The following FSD1L variants were observed in gnomAD, a reference collection of about 807,000 sequenced individuals.
FSD1L encodes the protein fibronectin type III and SPRY domain containing 1 like, also known as FSD1-like protein.
Under a neutral mutation model 71.6 loss-of-function variants are expected in FSD1L, and 45 were observed. That is an observed-to-expected ratio of 0.63 (90% CI 0.49 to 0.81). The LOEUF (loss-of-function observed/expected upper bound fraction) is 0.81, where lower values mean the gene tolerates loss of function less well. Ranked by LOEUF, FSD1L falls within the 30% of genes least tolerant of loss-of-function variation. The probability of loss-of-function intolerance (pLI) is 0.00; values close to 1 mark genes in which losing one functional copy is unlikely to be tolerated. For missense variants in FSD1L, 561 were observed against 618.1 expected, an observed-to-expected ratio of 0.91 and a Z score of 0.98; for synonymous variants, 197 against 207.2, an observed-to-expected ratio of 0.95 and a Z score of 0.42.
chr9:105,525,500 A>G (rs1835452283), intron 10 of FSD1L: 3 of 1,610,156 alleles, frequency 1.9e-6, no homozygotes, highest in African/African-American at 1.3e-5. Flanking sequence ...GTGGAACAAG[A>G]TGAACCAATA....
At chr9:105,480,294 CTT>C (rs202199417) in intron 6 of FSD1L, among the ~76,000 whole-genome samples, 22 of 140,062 alleles carry the variant, frequency 1.6e-4, no homozygotes, top group Admixed American at 1.4e-4. Flanking sequence ...CTGGGTTTCT[CTT>C]TTTTTTTTTT....
intron 13 of FSD1L, among the ~76,000 whole-genome samples, chr9:105,542,528 A>C (rs1002062168): frequency 6.6e-6 from 1 of 152,192 alleles, no homozygotes; most frequent in Non-Finnish European, 1.5e-5. Context: ...ATCACAGCTC[A>C]CTGCAGTCAC....
chr9:105,457,250 T>C (rs151007534), intron 1 of FSD1L, among the ~76,000 whole-genome samples: 3 of 152,328 alleles, frequency 2.0e-5, no homozygotes, highest in African/African-American at 7.2e-5. Flanking sequence ...GATAAATTCA[T>C]AGCAGGCTAT....
rs370718247 is a variant in FSD1L at position 105,464,448 on chromosome 9, A to C, written c.207+117A>C. On this transcript the variant is annotated intron_variant, in intron 3 of 13. Transcript: ENST00000481272. ...CTAATGGAGGTGAGAGCAGAGCTTTAAAATAGCAGATAAAGTAAAAATGTT... is the reference window on the plus strand; with the variant it reads ...CTAATGGAGGTGAGAGCAGAGCTTTCAAATAGCAGATAAAGTAAAAATGTT... 6.0e-6 allele frequency: 3 copies of C among 496,318 alleles called. No homozygotes were observed. The African/African-American group carries it at 6.1e-5, about 10-fold the overall frequency. 30.7% of individuals were successfully genotyped at this position (496,318 alleles called of 1,614,324 possible).
chr9:105,456,347 T>A (rs527722520), intron 1 of FSD1L, among the ~76,000 whole-genome samples: 1 of 152,344 alleles, frequency 6.6e-6, no homozygotes, highest in African/African-American at 2.4e-5. Context: ...AGGATAATAA[T>A]AGTAACTTAC....
intron 5 of FSD1L, chr9:105,472,244 C>T (rs1405697898): frequency 4.8e-6 from 2 of 414,372 alleles, no homozygotes; most frequent in Non-Finnish European, 8.4e-6. Context: ...TGTCTATGAG[C>T]TGCTTGGGAA....
At chr9:105,545,119 G>T (rs1257029522) in intron 13 of FSD1L, among the ~76,000 whole-genome samples, 1 of 151,944 alleles carries the variant, frequency 6.6e-6, no homozygotes, top group African/African-American at 2.4e-5. Context: ...GTGGTTTGTA[G>T]TTCTCCTTGA....
rs113449001 is a variant in FSD1L, at chr9:105,521,148, A to G, written c.1025+8212A>G. ...AATCTATTGTACAAAGGAGCCTTTC[A>G]TTAAGGCTCGTGTTATTGTCATTCG... On this transcript the variant is annotated intron_variant, in intron 10 of 13. Coordinates refer to ENST00000481272, the MANE Select transcript of FSD1L (RefSeq NM_001145313.3). 2,529 of 1,613,830 alleles carry G rather than the reference A, an allele frequency of 1.6e-3. 41 individuals carry two copies. In the African/African-American group the frequency reaches 0.03, roughly 19 times the overall value.
At chr9:105,460,441 A>C (rs943047428) in intron 1 of FSD1L, among the ~76,000 whole-genome samples, 6 of 151,902 alleles carry the variant, frequency 3.9e-5, no homozygotes, top group African/African-American at 1.2e-4. Context: ...AAATACAAAA[A>C]ATTAGCCAGG....
chr9:105,443,295 G>T (rs1588887393), upstream of FSD1L, among the ~76,000 whole-genome samples: 1 of 152,164 alleles, frequency 6.6e-6, no homozygotes, highest in East Asian at 1.9e-4. Context: ...GAAGGCGAAA[G>T]GCACATCCTA....
In FSD1L at chr9:105,508,964, T is replaced by C. The variant is rs182038732; in HGVS notation, c.895+249T>C. On this transcript the variant is annotated intron_variant, in intron 9 of 13. Transcript: ENST00000481272. ...TGATGGTATTGTATTCTCTGGGAGA[T>C]GCTTAATTTATAAATTTCAATCTTG... 5.9e-5 allele frequency among the ~76,000 whole-genome samples: 9 copies of C among 152,352 alleles called. No homozygotes were observed. The East Asian group carries it at 1.7e-3, about 29-fold the overall frequency.
At chr9:105,505,176 C>T (rs1176562409) in intron 7 of FSD1L, among the ~76,000 whole-genome samples, 5 of 152,114 alleles carry the variant, frequency 3.3e-5, no homozygotes, top group African/African-American at 4.8e-5. Context: ...CTTTCTGTTC[C>T]GCTTATTCAT....
intron 13 of FSD1L, among the ~76,000 whole-genome samples, chr9:105,540,046 C>T (rs151040880): frequency 0.016 from 2,397 of 152,056 alleles, 88 homozygotes; most frequent in African/African-American, 0.055. Context: ...TATGTATAAT[C>T]AACTGTAAAA....
rs763707728 is a variant in FSD1L at position 105,506,442 on chromosome 9, A to G, written c.630A>G (p.Ala210=). ...PEIDPVECLV[A]DNSVTVAWRM... ...TAGATCCAGTAGAGTGTTTGGTGGC[A>G]GATAACTCTGTAACAGTGGCTTGGA... The change falls in exon 8 of 14, where the codon GCA becomes GCG. Residue 210 remains alanine (A), a synonymous_variant. Coordinates refer to ENST00000481272, the MANE Select transcript of FSD1L (RefSeq NM_001145313.3). The G allele has an allele frequency of 1.3e-6, 2 of 1,551,842 alleles. No homozygotes were observed. Among genetic ancestry groups the G allele is most frequent in the South Asian group, 2.4e-5 (2 of 84,034 alleles).
In FSD1L at chr9:105,452,841, C is replaced by A. The variant is rs1216706545; in HGVS notation, c.15+4606C>A. 3.9e-5 allele frequency among the ~76,000 whole-genome samples: 6 copies of A among 152,072 alleles called. No individual in the cohort carries two copies. In the East Asian group the frequency reaches 9.7e-4, roughly 25 times the overall value. On this transcript the variant is annotated intron_variant, in intron 1 of 13. Coordinates refer to ENST00000481272, the MANE Select transcript of FSD1L (RefSeq NM_001145313.3). The stretch of plus-strand genomic sequence containing the variant: ...CCTCTGCTTTCTGTGCTCAAGCTAT[C>A]CTCCCAGCTCAGCCTCCTGAGCAGC...
chr9:105,496,213 T>C (rs1465398362), intron 7 of FSD1L, among the ~76,000 whole-genome samples: 1 of 148,436 alleles, frequency 6.7e-6, no homozygotes, highest in Non-Finnish European at 1.5e-5. Context: ...TTTTTTTTTT[T>C]TTTTTTTTGT....
chr9:105,539,031 TAGATTATAG>T (rs1836442328), intron 12 of FSD1L, among the ~76,000 whole-genome samples: 1 of 152,148 alleles, frequency 6.6e-6, no homozygotes, highest in African/African-American at 2.4e-5. Context: ...CGAATCGTGC[TAGATTATAG>T]AGGTATTATA....
At chr9:105,482,235 G>A (rs1832255577) in intron 6 of FSD1L, among the ~76,000 whole-genome samples, 1 of 152,148 alleles carries the variant, frequency 6.6e-6, no homozygotes, top group Non-Finnish European at 1.5e-5. Context: ...GATTAAGAGA[G>A]AAAACTCAAG....
At chr9:105,466,253 A>T (rs559338410) in intron 3 of FSD1L, among the ~76,000 whole-genome samples, 1 of 152,354 alleles carries the variant, frequency 6.6e-6, no homozygotes, top group Admixed American at 6.5e-5. Flanking sequence ...AAATGAATGG[A>T]AAAATATCCC....
Sources: allele counts gnomAD v4.1 joint callset (sites outside exome capture counted in the v4.1 genomes callset), GRCh38; gene constraint gnomAD v4.1.1; transcripts MANE v1.5; gene names NCBI Gene and HGNC (gene_info 2026-07-23, HGNC 2026-07-21).